The following ZDHHC3 variants were observed in gnomAD, a reference collection of about 807,000 sequenced individuals.
ZDHHC3 encodes palmitoyltransferase ZDHHC3.
ZDHHC3 carries 9 observed loss-of-function variants against 30.6 expected under a neutral mutation model. That is an observed-to-expected ratio of 0.29 (90% CI 0.18 to 0.51). ZDHHC3 has a LOEUF of 0.51. Ranked by LOEUF, ZDHHC3 falls within the 20% of genes least tolerant of loss-of-function variation. The probability of loss-of-function intolerance (pLI) is 0.97; values close to 1 mark genes in which losing one functional copy is unlikely to be tolerated. For synonymous variants in ZDHHC3, 136 were observed against 140.2 expected, an observed-to-expected ratio of 0.97 and a Z score of 0.21; for missense variants, 246 against 384.2, an observed-to-expected ratio of 0.64 and a Z score of 3.01.
At position 44,921,660 on chromosome 3, in the gene ZDHHC3, C is replaced by A. The variant is rs1700602150; in HGVS notation, c.*5029G>T. On this transcript the variant is annotated 3_prime_UTR_variant, in exon 7 of 7. Coordinates refer to ENST00000424952, the MANE Select transcript of ZDHHC3 (RefSeq NM_001135179.2). ...GCTATACATTCCTATTCATCACCCT[C>A]ATTTAATCCTTCCATTAACTTTGTG... 1.0e-6 allele frequency: 1 copy of A among 971,642 alleles called. No individual in the cohort carries two copies. 60.2% of individuals were successfully genotyped at this position (971,642 alleles called of 1,614,324 possible).
intron 3 of ZDHHC3, among the ~76,000 whole-genome samples, chr3:44,944,823 C>T (rs1012041052): frequency 2.6e-5 from 4 of 152,150 alleles, no homozygotes; most frequent in African/African-American, 9.7e-5. Flanking sequence ...CTCATGGTAC[C>T]CTTGTAATAA....
intron 3 of ZDHHC3, chr3:44,938,293 T>C (rs114765674): frequency 8.1e-4 from 142 of 174,798 alleles, no homozygotes; most frequent in Non-Finnish European, 1.4e-3. Flanking sequence ...CAGCCGGAAA[T>C]ACCACCTTTG....
chr3:44,922,479 AGTT>A lies in ZDHHC3; in HGVS notation c.*4207_*4209del. On this transcript the variant is annotated 3_prime_UTR_variant, in exon 7 of 7. Coordinates refer to ENST00000424952, the MANE Select transcript of ZDHHC3 (RefSeq NM_001135179.2). ...TACAGACTTTCTTTGATGTCTTGGC[AGTT>A]GTTTGTTGGGGAGGCCGCAGCTTAT... 1 of 985,418 alleles carries A rather than the reference AGTT, an allele frequency of 1.0e-6. No homozygotes were observed. The highest frequency in any genetic ancestry group is 1.2e-6 in the Non-Finnish European group (1 of 829,908). 61.0% of individuals were successfully genotyped at this position (985,418 alleles called of 1,614,324 possible). A position where few individuals can be genotyped will look rare whatever the true frequency, so the allele number is the denominator to read the frequency against.
rs963650791 is a variant in ZDHHC3, at chr3:44,924,290, C to G, written c.*2399G>C. The G allele has an allele frequency of 9.7e-5, 96 of 985,340 alleles. No individual in the cohort carries two copies. Among genetic ancestry groups the G allele is most frequent in the Admixed American group, 6.1e-5 (1 of 16,270 alleles). 61.0% of individuals were successfully genotyped at this position (985,340 alleles called of 1,614,324 possible). Reference sequence around the variant, plus strand: ...AAGCCAGGCTGGGAACCAATCACTACCCTGCAAATGATGGCTACATTCCTC... The same window carrying G: ...AAGCCAGGCTGGGAACCAATCACTAGCCTGCAAATGATGGCTACATTCCTC... On this transcript the variant is annotated 3_prime_UTR_variant, in exon 7 of 7. Transcript: ENST00000424952.
At chr3:44,970,665 A>G (rs1705334999) in intron 1 of ZDHHC3, among the ~76,000 whole-genome samples, 1 of 152,238 alleles carries the variant, frequency 6.6e-6, no homozygotes, top group Admixed American at 6.5e-5. Context: ...AAAGAAGCCC[A>G]CTAGTAACTA....
chr3:44,930,189 G>A (rs1701375463), intron 5 of ZDHHC3, among the ~76,000 whole-genome samples: 1 of 152,256 alleles, frequency 6.6e-6, no homozygotes, highest in African/African-American at 2.4e-5. Flanking sequence ...GCACTGTGAA[G>A]CAGTGAGATT....
intron 4 of ZDHHC3, 80 bp downstream of exon 4, chr3:44,933,808 G>T: frequency 7.7e-7 from 1 of 1,292,254 alleles, no homozygotes; most frequent in Non-Finnish European, 1.1e-6. Context: ...AAAGAACATC[G>T]TGAATGCTGA....
chr3:44,962,729 T>C (rs1349763915), intron 1 of ZDHHC3, among the ~76,000 whole-genome samples: 2 of 152,210 alleles, frequency 1.3e-5, no homozygotes, highest in Non-Finnish European at 2.9e-5. Context: ...CTCAGACTGT[T>C]ATAATTGCCG....
chr3:44,923,916 A>G lies in ZDHHC3; in HGVS notation c.*2773T>C. 1 of 985,496 alleles carries G rather than the reference A, an allele frequency of 1.0e-6. No individual in the cohort carries two copies. Among genetic ancestry groups the G allele is most frequent in the Non-Finnish European group, 1.2e-6 (1 of 829,942 alleles). The allele number at this position is 985,496 out of a possible 1,614,324, so 61.0% of individuals were successfully genotyped here. A position where few individuals can be genotyped will look rare whatever the true frequency, so the allele number is the denominator to read the frequency against. ...TTGTGTACATGATATTACCAAGCCCATGCAAATATGCATAGATTATAGATT... is the reference window on the plus strand; with the variant it reads ...TTGTGTACATGATATTACCAAGCCCGTGCAAATATGCATAGATTATAGATT... On this transcript the variant is annotated 3_prime_UTR_variant, in exon 7 of 7. Coordinates refer to ENST00000424952, the MANE Select transcript of ZDHHC3 (RefSeq NM_001135179.2).
At chr3:44,931,681 A>G (rs187003062) in intron 5 of ZDHHC3, among the ~76,000 whole-genome samples, 70 of 152,334 alleles carry the variant, frequency 4.6e-4, no homozygotes, top group African/African-American at 1.4e-3. Flanking sequence ...TCCATCAGGA[A>G]TTTTGACCAC....
At chr3:44,936,689 G>A (rs898360324) in intron 3 of ZDHHC3, among the ~76,000 whole-genome samples, 2 of 152,120 alleles carry the variant, frequency 1.3e-5, no homozygotes, top group African/African-American at 4.8e-5. Flanking sequence ...CCACAAAGAT[G>A]GGAACACAGA....
intron 4 of ZDHHC3, 78 bp downstream of exon 4, chr3:44,933,810 G>A: frequency 7.6e-7 from 1 of 1,309,392 alleles, no homozygotes; most frequent in South Asian, 1.2e-5. Flanking sequence ...AGAACATCGT[G>A]AATGCTGAGA....
chr3:44,928,665 C>T (rs1701214495), intron 6 of ZDHHC3, among the ~76,000 whole-genome samples: 1 of 152,150 alleles, frequency 6.6e-6, no homozygotes, highest in South Asian at 2.1e-4. Context: ...AGTAGGGGCA[C>T]CAAGGGAGTA....
chr3:44,922,303 G>A lies in ZDHHC3; in HGVS notation c.*4386C>T, dbSNP rs188459540. On this transcript the variant is annotated 3_prime_UTR_variant, in exon 7 of 7. Coordinates refer to ENST00000424952, the MANE Select transcript of ZDHHC3 (RefSeq NM_001135179.2). ...CCTGGCTCTAGACTACTCACCGGCC[G>A]CCGCTCCCATCTGGAGGTCCCTTGG... 8.1e-6 allele frequency: 8 copies of A among 985,388 alleles called. No individual in the cohort carries two copies. The highest frequency in any genetic ancestry group is 1.1e-4 in the East Asian group (1 of 8,810). The allele number at this position is 985,388 out of a possible 1,614,324, so 61.0% of individuals were successfully genotyped here. A position where few individuals can be genotyped will look rare whatever the true frequency, so the allele number is the denominator to read the frequency against.
chr3:44,941,990 C>G (rs1179936115), intron 3 of ZDHHC3, among the ~76,000 whole-genome samples: 1 of 152,088 alleles, frequency 6.6e-6, no homozygotes, highest in Non-Finnish European at 1.5e-5. Context: ...GATTTGACAC[C>G]AGGATGAAAG....
chr3:44,940,322 TCA>T (rs1306486996), intron 3 of ZDHHC3, among the ~76,000 whole-genome samples: 2 of 152,180 alleles, frequency 1.3e-5, no homozygotes, highest in African/African-American at 4.8e-5. Flanking sequence ...GGCTCACAGA[TCA>T]CAGACTAAGA....
intron 1 of ZDHHC3, among the ~76,000 whole-genome samples, chr3:44,964,340 C>G (rs902660822): frequency 6.6e-6 from 1 of 152,146 alleles, no homozygotes; most frequent in Non-Finnish European, 1.5e-5. Flanking sequence ...GTGAAGCATA[C>G]TGCTTACAAA....
chr3:44,952,132 C>G (rs1703512398), intron 2 of ZDHHC3, among the ~76,000 whole-genome samples: 1 of 152,212 alleles, frequency 6.6e-6, no homozygotes, highest in Non-Finnish European at 1.5e-5. Flanking sequence ...GAACCTGCTG[C>G]TTTCTCCCCA....
At chr3:44,970,274 A>G (rs1385508431) in intron 1 of ZDHHC3, among the ~76,000 whole-genome samples, 1 of 152,210 alleles carries the variant, frequency 6.6e-6, no homozygotes, top group East Asian at 1.9e-4. Flanking sequence ...ATGGGCTGTG[A>G]GAAAGAGAAC....
Sources: gnomAD v4.1 joint callset for allele counts (sites outside exome capture counted in the v4.1 genomes callset) on GRCh38, gnomAD v4.1.1 for gene constraint, MANE v1.5 for transcripts, NCBI Gene and HGNC (gene_info 2026-07-23, HGNC 2026-07-21) for gene names.